The following PDE10A variants were observed in gnomAD, a reference collection of about 807,000 sequenced individuals.
The protein encoded by PDE10A is cAMP and cAMP-inhibited cGMP 3',5'-cyclic phosphodiesterase 10A.
In PDE10A, 39 loss-of-function variants were observed where a neutral mutation model predicts 97.7. The ratio of observed to expected loss-of-function variants is 0.40; its 90% CI spans 0.31 to 0.52. The LOEUF is 0.52. Among genes scored for constraint, PDE10A ranks in the 20% least tolerant of loss-of-function variants. PDE10A has a pLI of 0.56. For synonymous variants in PDE10A, 371 were observed against 376.8 expected, an observed-to-expected ratio of 0.98 and a Z score of 0.18; for missense variants, 731 against 1,047.8, an observed-to-expected ratio of 0.70 and a Z score of 4.17.
intron 2 of PDE10A, among the ~76,000 whole-genome samples, chr6:165,514,222 GAAC>G (rs1451797828): frequency 6.6e-6 from 1 of 152,144 alleles, no homozygotes; most frequent in Non-Finnish European, 1.5e-5. Flanking sequence ...TTATGTTCAT[GAAC>G]AACATTTATC....
intron 1 of PDE10A, among the ~76,000 whole-genome samples, chr6:165,681,483 A>G (rs1477783216): frequency 1.3e-5 from 2 of 151,878 alleles, no homozygotes; most frequent in East Asian, 3.9e-4. Flanking sequence ...AGAACTTAAA[A>G]ACAGACCTCC....
At chr6:165,519,846 T>G (rs1782029419) in intron 2 of PDE10A, among the ~76,000 whole-genome samples, 1 of 152,198 alleles carries the variant, frequency 6.6e-6, no homozygotes, top group Admixed American at 6.6e-5. Flanking sequence ...TTTTTAATAT[T>G]CTCACCACTG....
At chr6:165,424,046 G>A (rs1017226188) in intron 10 of PDE10A, among the ~76,000 whole-genome samples, 2 of 152,010 alleles carry the variant, frequency 1.3e-5, no homozygotes, top group African/African-American at 2.4e-5. Flanking sequence ...CCAGGCCTGG[G>A]TGACTTGGCC....
intron 1 of PDE10A, among the ~76,000 whole-genome samples, chr6:165,787,569 G>A (rs1473943415): frequency 6.6e-6 from 1 of 152,212 alleles, no homozygotes; most frequent in Non-Finnish European, 1.5e-5. Flanking sequence ...GTCTGTAACA[G>A]TATTAGGAGA....
At chr6:165,805,969 GA>G (rs1282539833) in intron 1 of PDE10A, among the ~76,000 whole-genome samples, 1 of 138,594 alleles carries the variant, frequency 7.2e-6, no homozygotes, top group Non-Finnish European at 1.5e-5. Flanking sequence ...AGGTGAATGA[GA>G]AAGCGCCTGC....
chr6:165,494,114 T>C (rs1311824722), intron 2 of PDE10A, among the ~76,000 whole-genome samples: 1 of 151,836 alleles, frequency 6.6e-6, no homozygotes, highest in Non-Finnish European at 1.5e-5. Context: ...AAAACCACAA[T>C]GAGATGCCAC....
chr6:165,584,208 G>A (rs949441824), intron 1 of PDE10A, among the ~76,000 whole-genome samples: 6 of 152,304 alleles, frequency 3.9e-5, no homozygotes, highest in Non-Finnish European at 8.8e-5. Context: ...AACATGCTTG[G>A]TGCACAGTCA....
chr6:165,427,511 T>C (rs991169633), intron 10 of PDE10A, among the ~76,000 whole-genome samples: 9 of 152,074 alleles, frequency 5.9e-5, no homozygotes, highest in South Asian at 2.1e-4. Flanking sequence ...AAGGAGATGA[T>C]AGCTAAAAGG....
rs1780726546 is a variant in PDE10A at position 165,856,134 on chromosome 6, TG to T, written c.-615+131394del. Among the ~76,000 whole-genome samples the T allele has an allele frequency of 2.0e-5, 3 of 152,196 alleles. No individual in the cohort carries two copies. In the South Asian group the frequency reaches 6.2e-4, roughly 31 times the overall value. On this transcript the variant is annotated intron_variant, in intron 1 of 19. Coordinates refer to the PDE10A transcript ENST00000366882. ...TCTGATGCAGGGGCTCCCTGAGGGC[TG>T]GGCTGTTGTGGAAATTGTGCTGGAG...
intron 5 of PDE10A, among the ~76,000 whole-genome samples, chr6:165,444,764 T>C (rs1278191755): frequency 6.6e-6 from 1 of 152,138 alleles, no homozygotes; most frequent in Non-Finnish European, 1.5e-5. Context: ...ATGCACGTTT[T>C]TAAATTCTAT....
At chr6:165,849,371 C>T (rs1385380917) in intron 1 of PDE10A, among the ~76,000 whole-genome samples, 1 of 152,156 alleles carries the variant, frequency 6.6e-6, no homozygotes, top group African/African-American at 2.4e-5. Context: ...GTCATCCATC[C>T]CGCTTTTGGG....
intron 1 of PDE10A, among the ~76,000 whole-genome samples, chr6:165,558,352 G>A (rs890160064): frequency 1.3e-5 from 2 of 151,872 alleles, no homozygotes; most frequent in African/African-American, 4.8e-5. Context: ...ACTATCACAA[G>A]GACAAAAAAC....
At chr6:165,749,833 C>G (rs551022640) in intron 1 of PDE10A, among the ~76,000 whole-genome samples, 1 of 152,340 alleles carries the variant, frequency 6.6e-6, no homozygotes, top group South Asian at 2.1e-4. Flanking sequence ...GTTTCCACAT[C>G]AAATTCTGTC....
At chr6:165,859,105 CA>C (rs2128476319) in intron 1 of PDE10A, among the ~76,000 whole-genome samples, 1 of 152,300 alleles carries the variant, frequency 6.6e-6, no homozygotes, top group South Asian at 2.1e-4. Flanking sequence ...ACAAGATTTT[CA>C]TTCACTGATC....
chr6:165,509,880 T>G (rs1443315917), intron 2 of PDE10A, among the ~76,000 whole-genome samples: 1 of 152,086 alleles, frequency 6.6e-6, no homozygotes, highest in African/African-American at 2.4e-5. Context: ...CTTTTTCAGC[T>G]ATTTCATTAT....
At chr6:165,686,356 C>CCCTACACA (rs1044719391) in intron 1 of PDE10A, among the ~76,000 whole-genome samples, 89 of 152,302 alleles carry the variant, frequency 5.8e-4, no homozygotes, top group African/African-American at 2.0e-3. Context: ...ATCGGACTCT[C>CCCTACACA]CCTACACACC....
At chr6:165,607,906 C>G (rs922166741) in intron 1 of PDE10A, among the ~76,000 whole-genome samples, 1 of 152,034 alleles carries the variant, frequency 6.6e-6, no homozygotes, top group African/African-American at 2.4e-5. Context: ...ACACCCAAGT[C>G]TCCGGTCCTC....
At chr6:165,962,511 G>C (rs1784390916) in intron 1 of PDE10A, among the ~76,000 whole-genome samples, 2 of 152,194 alleles carry the variant, frequency 1.3e-5, no homozygotes, top group South Asian at 4.1e-4. Flanking sequence ...CAAAGTCATG[G>C]AGAAATACCT....
At chr6:165,480,997 T>C (rs965913604) in intron 3 of PDE10A, among the ~76,000 whole-genome samples, 3 of 152,236 alleles carry the variant, frequency 2.0e-5, no homozygotes, top group African/African-American at 7.2e-5. Flanking sequence ...ATCTTATGAA[T>C]AATAGCGAAG....
Sources: gnomAD v4.1 joint callset for allele counts (sites outside exome capture counted in the v4.1 genomes callset) on GRCh38, gnomAD v4.1.1 for gene constraint, MANE v1.5 for transcripts, NCBI Gene and HGNC (gene_info 2026-07-23, HGNC 2026-07-21) for gene names.